Variants in CCDC57 observed in about 807,000 individuals in gnomAD.
The protein encoded by CCDC57 is coiled-coil domain-containing protein 57.
CCDC57 carries 118 observed loss-of-function variants against 118.9 expected under a neutral mutation model. The observed-to-expected ratio is 0.99, with a 90% CI of 0.86 to 1.16. CCDC57 has a LOEUF of 1.16. Among genes scored for constraint, CCDC57 ranks in the 50% most tolerant of loss-of-function variants. The probability of loss-of-function intolerance (pLI) is 0.00; values close to 1 mark genes in which losing one functional copy is unlikely to be tolerated. For missense variants in CCDC57, 1,300 were observed against 1,320.7 expected (o/e 0.98, Z 0.24); for synonymous variants, 527 against 532.9 (o/e 0.99, Z 0.15).
At chr17:82,128,417 C>G (rs2037803520) in intron 18 of CCDC57, 76 bp downstream of exon 17, 2 of 1,026,614 alleles carry the variant, frequency 1.9e-6, no homozygotes, top group African/African-American at 3.2e-5. Flanking sequence ...CCGAGAGGCC[C>G]AGAGCACCCA....
At chr17:82,111,757 C>A (rs1013424593) in intron 19 of CCDC57, among the ~76,000 whole-genome samples, 1 of 151,524 alleles carries the variant, frequency 6.6e-6, no homozygotes, top group African/African-American at 2.4e-5. Context: ...CAGGCACCTG[C>A]CACCATGCCC....
In CCDC57 at chr17:82,118,689, C is replaced by T. The variant is rs972407703; in HGVS notation, c.2899+9003G>A. ...CTGCCTGGGTGCTTCTCTGGAACTG[C>T]CTTAGGGAGAGCTTCCGTCCGCACT... On this transcript the variant is annotated intron_variant, in intron 19 of 19. Coordinates refer to ENST00000665763, the Ensembl canonical transcript of CCDC57. The surrounding 1 kb of genome is among the most constrained non-coding windows in gnomAD (Gnocchi z 4.7). Among the ~76,000 whole-genome samples the T allele has an allele frequency of 6.6e-6, 1 of 152,074 alleles. No individual in the cohort carries two copies. Among genetic ancestry groups the T allele is most frequent in the Non-Finnish European group, 1.5e-5 (1 of 68,014 alleles).
chr17:82,136,426 C>A (rs527429266), intron 16 of CCDC57, among the ~76,000 whole-genome samples: 1 of 152,196 alleles, frequency 6.6e-6, no homozygotes, highest in African/African-American at 2.4e-5. Flanking sequence ...GGACAGGAAG[C>A]AACTGCGAAT....
chr17:82,189,826 A>G (rs1175204553), intron 7 of CCDC57, among the ~76,000 whole-genome samples: 1 of 151,870 alleles, frequency 6.6e-6, no homozygotes, highest in Non-Finnish European at 1.5e-5. Flanking sequence ...AGCCTGATCA[A>G]CATGGAGAAA....
intron 11 of CCDC57, among the ~76,000 whole-genome samples, chr17:82,177,708 G>A (rs2045706809): frequency 6.6e-6 from 1 of 152,214 alleles, no homozygotes; most frequent in Non-Finnish European, 1.5e-5. Flanking sequence ...CCAGTGGCTG[G>A]CCGCTTAGTG....
chr17:82,114,665 T>C (rs186371094), intron 19 of CCDC57, among the ~76,000 whole-genome samples: 1,539 of 152,090 alleles, frequency 0.01, 24 homozygotes, highest in African/African-American at 0.036. Flanking sequence ...GTCTTCTCAG[T>C]GGCGAGGTGT....
intron 15 of CCDC57, 94 bp downstream of exon 14, chr17:82,157,654 G>C (rs1000190813): frequency 8.9e-5 from 132 of 1,485,484 alleles, no homozygotes; most frequent in Non-Finnish European, 9.3e-5. Context: ...GAGCTCCCAG[G>C]GCATACAGAC....
chr17:82,137,675 TTTC>T (rs2039403110), intron 16 of CCDC57, among the ~76,000 whole-genome samples: 1 of 149,338 alleles, frequency 6.7e-6, no homozygotes, highest in African/African-American at 2.6e-5. Context: ...TCAGGAGACT[TTTC>T]TTTTTTTTTT....
intron 19 of CCDC57, among the ~76,000 whole-genome samples, chr17:82,105,739 C>T (rs992400599): frequency 5.3e-5 from 8 of 152,180 alleles, no homozygotes; most frequent in East Asian, 1.9e-4. Context: ...CTGGTTCCCA[C>T]GGTCCCTCCA....
At chr17:82,119,204 G>A (rs1468329490) in intron 19 of CCDC57, among the ~76,000 whole-genome samples, 1 of 151,920 alleles carries the variant, frequency 6.6e-6, no homozygotes, top group Non-Finnish European at 1.5e-5. Flanking sequence ...GGAGAAAACT[G>A]CTGCCTTTGT....
At chr17:82,184,017 GCGC>G in intron 8 of CCDC57, 85 bp from the exon 8 acceptor site, 2 of 207,916 alleles carry the variant, frequency 9.6e-6, no homozygotes, top group Non-Finnish European at 8.6e-6. Flanking sequence ...AAATACACAT[GCGC>G]GCGCGCGCGC....
chr17:82,113,404 T>C, intron 19 of CCDC57: 1 of 717,660 alleles, frequency 1.4e-6, no homozygotes, highest in Non-Finnish European at 2.6e-6. Flanking sequence ...AGAGCAGCAA[T>C]GGGACTAGAA....
intron 7 of CCDC57, among the ~76,000 whole-genome samples, chr17:82,190,933 C>A (rs2047595540): frequency 6.6e-6 from 1 of 151,474 alleles, no homozygotes; most frequent in African/African-American, 2.4e-5. Context: ...ATCCTGAAAG[C>A]CTGGCAGGCT....
chr17:82,144,363 C>G (rs1403171545), intron 16 of CCDC57, among the ~76,000 whole-genome samples: 1 of 152,112 alleles, frequency 6.6e-6, no homozygotes, highest in Non-Finnish European at 1.5e-5. Flanking sequence ...CTATTTCCAG[C>G]TAAACCATCA....
In CCDC57 at chr17:82,127,872, G is replaced by T. The variant is rs746538712; in HGVS notation, c.2719C>A (p.Pro907Thr). Residue 907 changes from proline (P) to threonine (T), a missense_variant, in exon 19 of 20, where the codon CCT becomes ACT. Pro to Thr is a conservative substitution (Grantham distance 38). Transcript: ENST00000665763. ...GGGGACCTGTCTTCTTTCTGCCGAG[G>T]TGATTTACAGGTCACCGTGTGGATG... 23 of 1,610,954 alleles carry T rather than the reference G, an allele frequency of 1.4e-5. No individual in the cohort carries two copies. Among genetic ancestry groups the T allele is most frequent in the South Asian group, 8.8e-5 (8 of 90,776 alleles).
intron 7 of CCDC57, among the ~76,000 whole-genome samples, chr17:82,190,346 A>G (rs888361011): frequency 7.9e-5 from 12 of 152,184 alleles, no homozygotes; most frequent in Non-Finnish European, 1.6e-4. Context: ...GCTGGAAGTG[A>G]GCAGAGGAAA....
chr17:82,188,343 G>A (rs897091557), exon 8 of CCDC57: 1 of 1,609,970 alleles, frequency 6.2e-7, no homozygotes, highest in Non-Finnish European at 8.5e-7. Context: ...AGCTCCTGCA[G>A]CTGCTCCACG....
At chr17:82,121,169 T>C (rs971856958) in intron 19 of CCDC57, among the ~76,000 whole-genome samples, 1 of 152,168 alleles carries the variant, frequency 6.6e-6, no homozygotes, top group Non-Finnish European at 1.5e-5. Context: ...GAGGATTGCT[T>C]GAGGCCAGGA....
At chr17:82,110,019 C>T (rs1489716424) in intron 19 of CCDC57, among the ~76,000 whole-genome samples, 3 of 147,334 alleles carry the variant, frequency 2.0e-5, no homozygotes, top group African/African-American at 7.5e-5. Flanking sequence ...CTCACTCTGT[C>T]ACCCAGGCTG....
Sources: allele counts gnomAD v4.1 joint callset (sites outside exome capture counted in the v4.1 genomes callset), GRCh38; gene constraint gnomAD v4.1.1; non-coding constraint Gnocchi (gnomAD v3.1); transcripts MANE v1.5; gene names NCBI Gene and HGNC (gene_info 2026-07-23, HGNC 2026-07-21).